ZNF320: variants seen among roughly 807,000 people sequenced by gnomAD.
The protein encoded by ZNF320 is zinc finger gene 320.
A neutral mutation model predicts 6.8 loss-of-function variants in ZNF320; 2 were observed. The observed-to-expected ratio is 0.29, with a 90% confidence interval of 0.12 to 0.93. ZNF320 has a LOEUF of 0.93. Among genes scored for constraint, ZNF320 ranks in the 40% least tolerant of loss-of-function variants. ZNF320 has a pLI of 0.55. For synonymous variants in ZNF320, 208 were observed against 203.2 expected, an observed-to-expected ratio of 1.02 and a Z score of -0.20; for missense variants, 472 against 611.0, an observed-to-expected ratio of 0.77 and a Z score of 2.40.
At chr19:52,882,793 T>C (rs928838203) in intron 5 of ZNF320, among the ~76,000 whole-genome samples, 2 of 152,066 alleles carry the variant, frequency 1.3e-5, no homozygotes, top group Non-Finnish European at 2.9e-5. Flanking sequence ...ATAGAAAATG[T>C]AGCCGGGCAT....
rs1279561109 is a variant in ZNF320, at chr19:52,880,579, C to A, written c.*17G>T. ...AAGTCAACTCAAACTCAGGTCAATG[C>A]TGATTTGACTCTGATGTCAATTAAT... is the stretch of plus-strand genomic sequence containing the variant. On this transcript the variant is annotated 3_prime_UTR_variant, in exon 6 of 6. Transcript: ENST00000682928. 4 of 1,577,890 alleles carry A rather than the reference C, an allele frequency of 2.5e-6. No homozygotes were observed. Among genetic ancestry groups the A allele is most frequent in the Non-Finnish European group, 3.4e-6 (4 of 1,163,738 alleles).
At chr19:52,865,286 G>T in intron 5 of ZNF320, 1 of 228,090 alleles carries the variant, frequency 4.4e-6, no homozygotes, top group Non-Finnish European at 8.5e-6. Context: ...CGTGCTACTG[G>T]ACTCCAGACT....
rs953533347 is a variant in ZNF320 at position 52,891,352 on chromosome 19, T to C, written c.-191-6A>G. 1.3e-5 allele frequency: 2 copies of C among 150,238 alleles called. No homozygotes were observed. Among genetic ancestry groups the C allele is most frequent in the Non-Finnish European group, 3.0e-5 (2 of 67,696 alleles). 9.3% of individuals were successfully genotyped at this position (150,238 alleles called of 1,614,324 possible). ...CTGAAGGACAGAGTGAGACTCTGTT[T>C]GAGGAAGAGAAAAAAAAAAGCGTTT... On this transcript the variant is annotated splice_polypyrimidine_tract_variant and splice_region_variant and intron_variant, in intron 2 of 5. Coordinates refer to ENST00000682928, the MANE Select transcript of ZNF320 (RefSeq NM_001351774.2).
Position 52,876,450 on chromosome 19 carries a change from G to A in ZNF320, c.*4146C>T, listed in dbSNP as rs2063769411. The A allele has an allele frequency of 6.6e-6, 1 of 152,144 alleles. No individual in the cohort carries two copies. The highest frequency in any genetic ancestry group is 1.5e-5 in the Non-Finnish European group (1 of 68,032). 9.4% of individuals were successfully genotyped at this position (152,144 alleles called of 1,614,324 possible). ...CATACCGTAGTTGCAAAACAATGAT[G>A]TTACCTCGTAAGATTATACCAAAGC... On this transcript the variant is annotated 3_prime_UTR_variant, in exon 6 of 6. Transcript: ENST00000682928.
Position 52,880,049 on chromosome 19 carries a change from T to C in ZNF320, c.*547A>G, listed in dbSNP as rs2063866243. The C allele has an allele frequency of 6.6e-6, 1 of 152,140 alleles. No individual in the cohort carries two copies. Among genetic ancestry groups the C allele is most frequent in the Admixed American group, 6.6e-5 (1 of 15,258 alleles). 9.4% of individuals were successfully genotyped at this position (152,140 alleles called of 1,614,324 possible). A position where few individuals can be genotyped will look rare whatever the true frequency, so the allele number is the denominator to read the frequency against. On this transcript the variant is annotated 3_prime_UTR_variant, in exon 6 of 6. Coordinates refer to ENST00000682928, the MANE Select transcript of ZNF320 (RefSeq NM_001351774.2). ...CCAGAGAAATTTCTATAACTTTTTG[T>C]TAAAGAAACAAAAAACAGGCCAGGT...
At position 52,882,129 on chromosome 19, in the gene ZNF320, G is replaced by T. The variant is rs1165276152; in HGVS notation, c.143-146C>A. ...AAGTTTAGGAACACAAAACAAGTAAGATTCTTTAATAAATAAAGGCCAATT... is the reference window on the plus strand; with the variant it reads ...AAGTTTAGGAACACAAAACAAGTAATATTCTTTAATAAATAAAGGCCAATT... On this transcript the variant is annotated intron_variant, in intron 5 of 5. Transcript: ENST00000682928. 2.3e-5 allele frequency: 19 copies of T among 821,776 alleles called. No individual in the cohort carries two copies. The East Asian group carries it at 3.9e-4, about 17-fold the overall frequency. The allele number at this position is 821,776 out of a possible 1,614,324, so 50.9% of individuals were successfully genotyped here.
chr19:52,903,446 C>T, the ZNF320 span, among the ~76,000 whole-genome samples: 1 of 152,010 alleles, frequency 6.6e-6, no homozygotes. Flanking sequence ...AGGTCTAAAA[C>T]CAGGTGTAAC....
At chr19:52,896,670 C>A (rs1209604655) in intron 1 of ZNF320, among the ~76,000 whole-genome samples, 2 of 152,104 alleles carry the variant, frequency 1.3e-5, no homozygotes, top group African/African-American at 2.4e-5. Flanking sequence ...GATCCTGTCA[C>A]CGCTCTCCCG....
downstream of ZNF320, among the ~76,000 whole-genome samples, chr19:52,872,394 A>C (rs973351158): frequency 6.6e-6 from 1 of 152,238 alleles, no homozygotes; most frequent in Admixed American, 6.5e-5. Flanking sequence ...TGAGAAAAGA[A>C]ATAAGACACA....
chr19:52,896,288 G>A lies in ZNF320; in HGVS notation c.-270+1232C>T, dbSNP rs374827056. 2.5e-4 allele frequency among the ~76,000 whole-genome samples: 38 copies of A among 152,182 alleles called. No homozygotes were observed. In the South Asian group the frequency reaches 2.7e-3, roughly 11 times the overall value. Reference sequence around the variant, plus strand: ...TGTATTTTATTCGACACGAGATTTCGCCATGTTGACTAGGCTGGTCTCGAA... The same window carrying A: ...TGTATTTTATTCGACACGAGATTTCACCATGTTGACTAGGCTGGTCTCGAA... On this transcript the variant is annotated intron_variant, in intron 1 of 5. Transcript: ENST00000682928.
At chr19:52,871,585 G>A (rs889175239), downstream of ZNF320, among the ~76,000 whole-genome samples, 2 of 152,224 alleles carry the variant, frequency 1.3e-5, no homozygotes, top group Non-Finnish European at 2.9e-5. Context: ...CGAGGTCTAC[G>A]GTTCTGATGG....
chr19:52,886,969 A>AGGAAGGAAG (rs2064101777), intron 5 of ZNF320, among the ~76,000 whole-genome samples: 1 of 79,890 alleles, frequency 1.3e-5, no homozygotes, highest in Non-Finnish European at 2.7e-5. Flanking sequence ...AAGAAAGAAA[A>AGGAAGGAAG]GAAAGAAAGA....
At chr19:52,869,478 CAG>C (rs2063639810) in intron 5 of ZNF320, among the ~76,000 whole-genome samples, 2 of 152,116 alleles carry the variant, frequency 1.3e-5, no homozygotes, top group South Asian at 4.1e-4. Flanking sequence ...TTTGTGAAAA[CAG>C]AGACAGACTG....
At chr19:52,882,274 G>T (rs2063946738) in intron 5 of ZNF320, among the ~76,000 whole-genome samples, 2 of 151,994 alleles carry the variant, frequency 1.3e-5, no homozygotes, top group Admixed American at 6.6e-5. Context: ...ATCCTAAGGG[G>T]TATCACACAG....
intron 5 of ZNF320, among the ~76,000 whole-genome samples, chr19:52,866,885 A>T (rs996973381): frequency 1.2e-4 from 15 of 129,906 alleles, no homozygotes; most frequent in African/African-American, 4.3e-4. Context: ...AAAAAAAAAA[A>T]AAAAAGAAAA....
At chr19:52,900,681 GT>G (rs2064568326), upstream of ZNF320, among the ~76,000 whole-genome samples, 1 of 151,076 alleles carries the variant, frequency 6.6e-6, no homozygotes, top group South Asian at 2.1e-4. Context: ...CTAGGATCTA[GT>G]TTTTTTTCAT....
At chr19:52,890,161 TA>T in intron 4 of ZNF320, 79 bp downstream of exon 4, 1 of 1,576,074 alleles carries the variant, frequency 6.3e-7, no homozygotes, top group Non-Finnish European at 8.6e-7. Context: ...TGCTTCAGAC[TA>T]AGAGAAGATT....
At chr19:52,874,599 C>G (rs1305626187), downstream of ZNF320, among the ~76,000 whole-genome samples, 1 of 152,194 alleles carries the variant, frequency 6.6e-6, no homozygotes, top group Non-Finnish European at 1.5e-5. Flanking sequence ...TGGGTGCCAG[C>G]CTAGCACAGC....
intron 5 of ZNF320, among the ~76,000 whole-genome samples, chr19:52,866,254 A>T (rs1422373634): frequency 6.7e-6 from 1 of 148,482 alleles, no homozygotes; most frequent in Non-Finnish European, 1.5e-5. Context: ...ATATAAAATC[A>T]TAAGGCTGGA....
Sources: gnomAD v4.1 joint callset for allele counts (sites outside exome capture counted in the v4.1 genomes callset) on GRCh38, gnomAD v4.1.1 for gene constraint, MANE v1.5 for transcripts, NCBI Gene and HGNC (gene_info 2026-07-23, HGNC 2026-07-21) for gene names.